The following PDE1C variants were observed in gnomAD, a reference collection of about 807,000 sequenced individuals.
The protein encoded by PDE1C is dual specificity calcium/calmodulin-dependent 3',5'-cyclic nucleotide phosphodiesterase 1C.
A neutral mutation model predicts 93.1 loss-of-function variants in PDE1C; 62 were observed. The observed-to-expected ratio is 0.67, with a 90% CI of 0.54 to 0.82. The LOEUF (loss-of-function observed/expected upper bound fraction) is 0.82, where lower values mean the gene tolerates loss of function less well. PDE1C is among the 40% of genes least tolerant of loss of function. PDE1C has a pLI of 0.00. For synonymous variants in PDE1C, 325 were observed against 310.1 expected (o/e 1.05, Z -0.50); for missense variants, 742 against 884.6 (o/e 0.84, Z 2.04).
chr7:32,230,837 G>A (rs1365512234), intron 1 of PDE1C, among the ~76,000 whole-genome samples: 2 of 152,104 alleles, frequency 1.3e-5, no homozygotes, highest in African/African-American at 2.4e-5. Flanking sequence ...ACTGATGCCT[G>A]ACAAAGCTTT....
At chr7:32,119,154 C>A (rs963817191) in intron 3 of PDE1C, among the ~76,000 whole-genome samples, 5 of 152,146 alleles carry the variant, frequency 3.3e-5, no homozygotes, top group African/African-American at 1.2e-4. Context: ...CTTGGACATC[C>A]TCTATTTATG....
intron 2 of PDE1C, among the ~76,000 whole-genome samples, chr7:32,171,386 T>G (rs935620001): frequency 1.3e-5 from 2 of 150,260 alleles, no homozygotes; most frequent in Non-Finnish European, 3.0e-5. Flanking sequence ...TTCAAACAAC[T>G]AAAGAAGGAA....
At chr7:31,781,140 A>G (rs1484966116) in intron 16 of PDE1C, among the ~76,000 whole-genome samples, 1 of 152,250 alleles carries the variant, frequency 6.6e-6, no homozygotes, top group Non-Finnish European at 1.5e-5. Flanking sequence ...TACCCGCCTC[A>G]GGGTGAACGC....
chr7:32,031,850 G>A (rs543546875), intron 2 of PDE1C, among the ~76,000 whole-genome samples: 129 of 152,268 alleles, frequency 8.5e-4, no homozygotes, highest in Non-Finnish European at 1.5e-3. Context: ...AAGAGATGGG[G>A]CAAGGAGACT....
At chr7:31,923,765 G>A (rs1802962640) in intron 2 of PDE1C, among the ~76,000 whole-genome samples, 1 of 152,034 alleles carries the variant, frequency 6.6e-6, no homozygotes, top group South Asian at 2.1e-4. Flanking sequence ...CCTGAGCCCA[G>A]GAGTTTGAGA....
intron 2 of PDE1C, among the ~76,000 whole-genome samples, chr7:31,931,324 T>C (rs967376380): frequency 6.6e-6 from 1 of 152,188 alleles, no homozygotes; most frequent in Non-Finnish European, 1.5e-5. Flanking sequence ...GACATGATTG[T>C]ATATTTAGAA....
At chr7:32,207,215 G>A (rs73304664) in intron 2 of PDE1C, among the ~76,000 whole-genome samples, 1 of 152,064 alleles carries the variant, frequency 6.6e-6, no homozygotes, top group Non-Finnish European at 1.5e-5. Context: ...AGAGGGTCCA[G>A]CCATCACAGC....
At position 31,753,535 on chromosome 7, in the gene PDE1C, C is replaced by A; in HGVS notation, c.1979G>T (p.Arg660Leu). The part of the protein sequence containing the change: ...LTLPVIKPPL[R>L]HFKRPAYASS... ...TGCGTAAGCAGGGCGTTTAAAATGA[C>A]GCAAAGGAGGCTTGATGACTGGCGG... Residue 660 changes from arginine (R) to leucine (L), a missense_variant, in exon 18 of 18, where the codon CGT becomes CTT. Arg to Leu is a moderately radical substitution (Grantham distance 102). Transcript: ENST00000396191. 1.9e-6 allele frequency: 3 copies of A among 1,610,012 alleles called. No individual in the cohort carries two copies. Among genetic ancestry groups the A allele is most frequent in the Non-Finnish European group, 2.5e-6 (3 of 1,178,654 alleles).
intron 6 of PDE1C, 86 bp downstream of exon 6, chr7:31,873,206 A>G (rs1425030693): frequency 2.5e-6 from 2 of 804,450 alleles, no homozygotes; most frequent in Non-Finnish European, 4.1e-6. Flanking sequence ...CATTCCGCAT[A>G]TTAAAATAGT....
chr7:31,774,014 G>GAGTC (rs1345082711), intron 17 of PDE1C, among the ~76,000 whole-genome samples: 1 of 152,192 alleles, frequency 6.6e-6, no homozygotes, highest in Non-Finnish European at 1.5e-5. Flanking sequence ...GGCGGATGTG[G>GAGTC]AGTCCACTTG....
chr7:31,963,555 T>C (rs1040968730), intron 2 of PDE1C, among the ~76,000 whole-genome samples: 1 of 152,232 alleles, frequency 6.6e-6, no homozygotes, highest in African/African-American at 2.4e-5. Flanking sequence ...ATTCTTTTTC[T>C]CCCAATCATA....
intron 2 of PDE1C, 106 bp downstream of exon 2, chr7:32,051,448 G>C (rs1584608912): frequency 9.3e-7 from 1 of 1,075,622 alleles, no homozygotes; most frequent in East Asian, 2.4e-5. Flanking sequence ...TGCTGAGAAA[G>C]AACCAAAAGC....
intron 1 of PDE1C, among the ~76,000 whole-genome samples, chr7:32,387,416 G>A (rs1163754592): frequency 3.3e-5 from 5 of 151,328 alleles, no homozygotes; most frequent in East Asian, 2.0e-4. Flanking sequence ...GGTCCTGGCC[G>A]GGCAGAGGGG....
At chr7:31,956,327 C>T (rs566918462) in intron 2 of PDE1C, among the ~76,000 whole-genome samples, 21 of 151,942 alleles carry the variant, frequency 1.4e-4, no homozygotes, top group Non-Finnish European at 2.4e-4. Flanking sequence ...CTCTTGACCT[C>T]GTGATCTGCC....
At chr7:32,374,736 G>T (rs1268944393) in intron 1 of PDE1C, among the ~76,000 whole-genome samples, 2 of 152,226 alleles carry the variant, frequency 1.3e-5, no homozygotes, top group Non-Finnish European at 2.9e-5. Flanking sequence ...ACTTTGGGGT[G>T]CTTTGCTATG....
At chr7:31,903,164 A>C (rs570090969) in intron 2 of PDE1C, among the ~76,000 whole-genome samples, 16 of 152,064 alleles carry the variant, frequency 1.1e-4, no homozygotes, top group Non-Finnish European at 1.9e-4. Flanking sequence ...TCTATTTCTA[A>C]TGAAAATATT....
intron 2 of PDE1C, among the ~76,000 whole-genome samples, chr7:32,026,616 C>T (rs1789472616): frequency 6.6e-6 from 1 of 152,088 alleles, no homozygotes; most frequent in Non-Finnish European, 1.5e-5. Context: ...GACAGTTTGG[C>T]AGATTCCTTC....
At chr7:31,785,143 C>A (rs538349294) in intron 16 of PDE1C, 2 of 151,228 alleles carry the variant, frequency 1.3e-5, no homozygotes, top group Non-Finnish European at 2.9e-5. Context: ...GGTTCAGAAG[C>A]CAGCACTCAT....
intron 3 of PDE1C, among the ~76,000 whole-genome samples, chr7:32,158,733 A>G (rs1482793579): frequency 6.6e-6 from 1 of 152,194 alleles, no homozygotes; most frequent in Non-Finnish European, 1.5e-5. Flanking sequence ...TGGAAATATA[A>G]TTCCTAATTC....
Sources: allele counts gnomAD v4.1 joint callset (sites outside exome capture counted in the v4.1 genomes callset), GRCh38; gene constraint gnomAD v4.1.1; transcripts MANE v1.5; gene names NCBI Gene and HGNC (gene_info 2026-07-23, HGNC 2026-07-21).